Variants in CFAP299 observed in about 807,000 individuals in gnomAD.
The protein encoded by CFAP299 is cilia- and flagella-associated protein 299.
CFAP299 carries 21 observed loss-of-function variants against 27.0 expected under a neutral mutation model. That is an observed-to-expected ratio of 0.78 (90% confidence interval 0.55 to 1.12). The LOEUF (loss-of-function observed/expected upper bound fraction) is 1.12. Ranked by LOEUF, CFAP299 falls within the 50% of genes most tolerant of loss-of-function variation. CFAP299 has a pLI of 0.00. For synonymous variants in CFAP299, 104 were observed against 98.1 expected (o/e 1.06, Z -0.36); for missense variants, 310 against 276.6 (o/e 1.12, Z -0.86).
chr4:80,387,996 A>T (rs1725111748), intron 2 of CFAP299: 1 of 721,298 alleles, frequency 1.4e-6, no homozygotes, highest in African/African-American at 1.8e-5. Flanking sequence ...GCCTCCACAC[A>T]CTGGTTTGGC....
chr4:80,504,476 T>C (rs1731904704), intron 2 of CFAP299, among the ~76,000 whole-genome samples: 1 of 112,882 alleles, frequency 8.9e-6, no homozygotes, highest in Admixed American at 8.9e-5. Flanking sequence ...TATATATATA[T>C]ATATATATAT....
At chr4:80,806,235 C>T (rs1372850108) in intron 3 of CFAP299, among the ~76,000 whole-genome samples, 1 of 152,106 alleles carries the variant, frequency 6.6e-6, no homozygotes, top group African/African-American at 2.4e-5. Flanking sequence ...AGGGATTAAT[C>T]CATAATTCTC....
intron 3 of CFAP299, among the ~76,000 whole-genome samples, chr4:80,656,453 C>T (rs1372918891): frequency 1.3e-5 from 2 of 152,164 alleles, no homozygotes; most frequent in East Asian, 3.9e-4. Context: ...TCAACTCCCA[C>T]TTATGAGTGA....
the CFAP299 span, among the ~76,000 whole-genome samples, chr4:80,323,912 C>A: frequency 6.6e-6 from 1 of 152,114 alleles, no homozygotes; most frequent in Non-Finnish European, 1.5e-5. Context: ...TGATAGCTTC[C>A]ATTGTAATAA....
At chr4:80,860,316 A>G (rs574935816) in intron 3 of CFAP299, among the ~76,000 whole-genome samples, 1 of 151,914 alleles carries the variant, frequency 6.6e-6, no homozygotes, top group African/African-American at 2.4e-5. Flanking sequence ...ATTCGTCTAA[A>G]TTTTTTTCAA....
At chr4:80,738,286 T>C (rs910689531) in intron 3 of CFAP299, among the ~76,000 whole-genome samples, 2 of 152,154 alleles carry the variant, frequency 1.3e-5, no homozygotes, top group African/African-American at 4.8e-5. Flanking sequence ...GTTTCTTTGT[T>C]GATTTTCTGT....
At chr4:80,453,854 A>AATAATAATG (rs1729017446) in intron 2 of CFAP299, among the ~76,000 whole-genome samples, 1 of 144,902 alleles carries the variant, frequency 6.9e-6, no homozygotes, top group Admixed American at 6.9e-5. Flanking sequence ...TAATAATAAT[A>AATAATAATG]ATAATAATAA....
At chr4:80,949,799 T>C (rs1737676058) in intron 5 of CFAP299, among the ~76,000 whole-genome samples, 1 of 152,110 alleles carries the variant, frequency 6.6e-6, no homozygotes, top group African/African-American at 2.4e-5. Context: ...ACTGCAGGAC[T>C]GAGGCAGATC....
At chr4:80,864,441 T>TATATATACCTATATAAGTATATATATAC (rs1732573457) in intron 3 of CFAP299, among the ~76,000 whole-genome samples, 1 of 146,108 alleles carries the variant, frequency 6.8e-6, no homozygotes, top group African/African-American at 2.5e-5. Flanking sequence ...TATATATATA[T>TATATATACCTATATAAGTATATATATAC]ATATATACCT....
chr4:80,619,816 A>G lies in CFAP299; in HGVS notation c.333+36633A>G, dbSNP rs1738481798. 2.0e-5 allele frequency among the ~76,000 whole-genome samples: 3 copies of G among 152,102 alleles called. No homozygotes were observed. The South Asian group carries it at 6.2e-4, about 31-fold the overall frequency. On this transcript the variant is annotated intron_variant, in intron 3 of 5. Coordinates refer to ENST00000358105, the MANE Select transcript of CFAP299 (RefSeq NM_152770.3). ...ATAATATATTGTGTCTAATAAAGTG[A>G]TCATGTATTATCTCTTAATTATAAT...
chr4:80,619,636 G>T (rs1738471878), intron 3 of CFAP299, among the ~76,000 whole-genome samples: 1 of 152,018 alleles, frequency 6.6e-6, no homozygotes, highest in African/African-American at 2.4e-5. Context: ...TACAGTGTTT[G>T]CTGTCATCTC....
rs200014359 is a variant in CFAP299 at position 80,335,748 on chromosome 4, G to A, written c.-21G>A. The stretch of plus-strand genomic sequence containing the variant: ...CCCTCCTGCTTCCGTTGCTAGGGAC[G>A]CTTCGGCCGAGGATACCGCAATGGA... On this transcript the variant is annotated 5_prime_UTR_variant, in exon 1 of 6. Transcript: ENST00000358105. The A allele has an allele frequency of 3.4e-6, 5 of 1,486,914 alleles. No individual in the cohort carries two copies. In the Admixed American group the frequency reaches 8.4e-5, roughly 25 times the overall value. The allele number at this position is 1,486,914 out of a possible 1,614,324, so 92.1% of individuals were successfully genotyped here.
rs1037652102 is a variant in CFAP299 at position 80,859,718 on chromosome 4, A to G, written c.334-10275A>G. The stretch of plus-strand genomic sequence containing the variant: ...TTCTCGGTTGAAAATTCTTTTCTTT[A>G]AGAATGTTGAATATTGGCCCCCACT... On this transcript the variant is annotated intron_variant, in intron 3 of 5. Coordinates refer to ENST00000358105, the MANE Select transcript of CFAP299 (RefSeq NM_152770.3). 3.7e-4 allele frequency among the ~76,000 whole-genome samples: 57 copies of G among 152,178 alleles called. No homozygotes were observed. The Middle Eastern group carries it at 0.01, about 27-fold the overall frequency.
chr4:80,843,493 G>T (rs2110140806), intron 3 of CFAP299, among the ~76,000 whole-genome samples: 1 of 152,232 alleles, frequency 6.6e-6, no homozygotes, highest in African/African-American at 2.4e-5. Flanking sequence ...TGGACATTTA[G>T]GTTGGTTCCA....
chr4:80,698,295 C>T (rs1721241913), intron 3 of CFAP299, among the ~76,000 whole-genome samples: 1 of 152,184 alleles, frequency 6.6e-6, no homozygotes, highest in Non-Finnish European at 1.5e-5. Context: ...TCACTATTTT[C>T]TATCACAATG....
chr4:80,593,432 T>C (rs528972633), intron 3 of CFAP299, among the ~76,000 whole-genome samples: 1 of 152,350 alleles, frequency 6.6e-6, no homozygotes, highest in African/African-American at 2.4e-5. Context: ...TGTTAACTGT[T>C]GCAATGATAA....
chr4:80,853,176 A>G (rs1311888991), intron 3 of CFAP299, among the ~76,000 whole-genome samples: 1 of 152,038 alleles, frequency 6.6e-6, no homozygotes, highest in South Asian at 2.1e-4. Context: ...GATTACAGGT[A>G]CCTGCCATCA....
chr4:80,615,462 G>A (rs1002118550), intron 3 of CFAP299, among the ~76,000 whole-genome samples: 11 of 152,096 alleles, frequency 7.2e-5, no homozygotes, highest in African/African-American at 2.4e-4. Context: ...ATACTTTATT[G>A]TAGTGTATCT....
At chr4:80,386,918 G>A (rs1281024769) in intron 2 of CFAP299, 1 of 845,522 alleles carries the variant, frequency 1.2e-6, no homozygotes, top group African/African-American at 1.7e-5. Flanking sequence ...CGCCTGAGTG[G>A]TTGTGAGCGC....
Sources: gnomAD v4.1 joint callset for allele counts (sites outside exome capture counted in the v4.1 genomes callset) on GRCh38, gnomAD v4.1.1 for gene constraint, MANE v1.5 for transcripts, NCBI Gene and HGNC (gene_info 2026-07-23, HGNC 2026-07-21) for gene names.